The following ATG10 variants were observed in gnomAD, a reference collection of about 807,000 sequenced individuals.
The protein encoded by ATG10 is ubiquitin-like-conjugating enzyme ATG10.
In ATG10, 30 loss-of-function variants were observed where a neutral mutation model predicts 32.1. The observed-to-expected ratio is 0.94, with a 90% CI of 0.70 to 1.27. The LOEUF (loss-of-function observed/expected upper bound fraction) is 1.27, where lower values mean the gene tolerates loss of function less well. Among genes scored for constraint, ATG10 ranks in the 50% most tolerant of loss-of-function variants. ATG10 has a pLI of 0.00. For missense variants in ATG10, 233 were observed against 262.3 expected (o/e 0.89, Z 0.77); for synonymous variants, 87 against 91.5 (o/e 0.95, Z 0.28).
At chr5:82,134,203 AC>A (rs1375245723) in intron 3 of ATG10, among the ~76,000 whole-genome samples, 1 of 22,554 alleles carries the variant, frequency 4.4e-5, no homozygotes, top group Non-Finnish European at 9.2e-5. Flanking sequence ...CTATTTGAAT[AC>A]CCTTTATTTC....
At chr5:82,128,757 G>A (rs949516571) in intron 3 of ATG10, among the ~76,000 whole-genome samples, 9 of 147,138 alleles carry the variant, frequency 6.1e-5, no homozygotes, top group Non-Finnish European at 7.5e-5. Flanking sequence ...CCCTTTGTGG[G>A]TAACCCGACC....
At chr5:82,241,286 A>G (rs1413736675) in intron 5 of ATG10, among the ~76,000 whole-genome samples, 2 of 152,184 alleles carry the variant, frequency 1.3e-5, no homozygotes, top group Non-Finnish European at 2.9e-5. Context: ...ACAAGTCATC[A>G]TTATATTTTG....
chr5:82,019,957 G>A (rs1044544195), intron 2 of ATG10, among the ~76,000 whole-genome samples: 1 of 152,222 alleles, frequency 6.6e-6, no homozygotes, highest in African/African-American at 2.4e-5. Flanking sequence ...AGTTGTAGAA[G>A]GGGGATGGTG....
chr5:82,069,578 A>C (rs1308772544), intron 3 of ATG10, among the ~76,000 whole-genome samples: 1 of 152,136 alleles, frequency 6.6e-6, no homozygotes, highest in African/African-American at 2.4e-5. Context: ...TGTCCTTAGC[A>C]TTTAGCACAG....
At chr5:82,076,936 T>G (rs1358619924) in intron 3 of ATG10, among the ~76,000 whole-genome samples, 4 of 152,222 alleles carry the variant, frequency 2.6e-5, no homozygotes, top group Non-Finnish European at 4.4e-5. Context: ...ATCCATTGGT[T>G]TAGGCTTTTG....
intron 3 of ATG10, among the ~76,000 whole-genome samples, chr5:82,129,644 C>A (rs1404658239): frequency 6.6e-6 from 1 of 152,142 alleles, no homozygotes; most frequent in Non-Finnish European, 1.5e-5. Flanking sequence ...TCCACTCAAA[C>A]CCTGTTTGCC....
chr5:82,226,071 A>C (rs928948752), intron 5 of ATG10, among the ~76,000 whole-genome samples: 1 of 152,166 alleles, frequency 6.6e-6, no homozygotes, highest in African/African-American at 2.4e-5. Flanking sequence ...CTCTCCCCCA[A>C]ATTCACATTT....
intron 3 of ATG10, among the ~76,000 whole-genome samples, chr5:82,130,188 C>G (rs1484115192): frequency 2.6e-5 from 4 of 152,178 alleles, no homozygotes; most frequent in Admixed American, 2.6e-4. Flanking sequence ...GCAGATGCCC[C>G]TGTCCCCATG....
At chr5:81,989,207 C>G (rs1317749748) in intron 2 of ATG10, among the ~76,000 whole-genome samples, 1 of 152,192 alleles carries the variant, frequency 6.6e-6, no homozygotes, top group African/African-American at 2.4e-5. Context: ...ACATTTTACC[C>G]GGTTCCCGAA....
chr5:82,124,542 T>C (rs1229283863), intron 3 of ATG10, among the ~76,000 whole-genome samples: 2 of 151,716 alleles, frequency 1.3e-5, no homozygotes, highest in Non-Finnish European at 2.9e-5. Flanking sequence ...AGCGAGAACA[T>C]GTGGTGTTTG....
intron 3 of ATG10, among the ~76,000 whole-genome samples, chr5:82,106,691 G>A (rs1561301425): frequency 6.6e-6 from 1 of 151,886 alleles, no homozygotes; most frequent in Non-Finnish European, 1.5e-5. Flanking sequence ...CTTAACAATG[G>A]ACTATCATAA....
At chr5:82,071,379 A>C (rs980492003) in intron 3 of ATG10, among the ~76,000 whole-genome samples, 1 of 152,140 alleles carries the variant, frequency 6.6e-6, no homozygotes, top group Admixed American at 6.6e-5. Flanking sequence ...GATGGATTCC[A>C]TGTCTCCCTC....
Position 82,118,689 on chromosome 5 carries a change from C to A in ATG10, c.217-45710C>A, listed in dbSNP as rs139085496. 3.2e-3 allele frequency among the ~76,000 whole-genome samples: 484 copies of A among 151,970 alleles called. 7 individuals are homozygous for A. Among genetic ancestry groups the A allele is most frequent in the Admixed American group, 0.021 (327 of 15,238 alleles). On this transcript the variant is annotated intron_variant, in intron 3 of 7. Transcript: ENST00000282185. ...TCTATCTAAACTTCAAAACAGTGATCTTGTTTGGAGATTCAGATTTAGGAT... is the reference window on the plus strand; with the variant it reads ...TCTATCTAAACTTCAAAACAGTGATATTGTTTGGAGATTCAGATTTAGGAT...
chr5:82,139,531 G>C (rs1217313253), intron 3 of ATG10, among the ~76,000 whole-genome samples: 2 of 141,124 alleles, frequency 1.4e-5, no homozygotes, highest in South Asian at 2.3e-4. Flanking sequence ...CTGCCCGGCC[G>C]AGACCCCGTC....
chr5:82,140,131 C>G (rs1581733442), intron 3 of ATG10, among the ~76,000 whole-genome samples: 1 of 121,532 alleles, frequency 8.2e-6, no homozygotes, highest in Non-Finnish European at 1.8e-5. Flanking sequence ...TCTGCCCGGC[C>G]GCCCCTTCTG....
At chr5:82,155,211 C>T (rs922308163) in intron 3 of ATG10, among the ~76,000 whole-genome samples, 3 of 152,094 alleles carry the variant, frequency 2.0e-5, no homozygotes, top group African/African-American at 7.2e-5. Flanking sequence ...AAACTTCAGC[C>T]CATTGGATTT....
At chr5:82,231,063 A>G (rs984772114) in intron 5 of ATG10, among the ~76,000 whole-genome samples, 3 of 152,198 alleles carry the variant, frequency 2.0e-5, no homozygotes, top group African/African-American at 4.8e-5. Context: ...TGGCCTGAAG[A>G]GCCACTGGGG....
At chr5:82,159,253 G>C (rs560613190) in intron 3 of ATG10, among the ~76,000 whole-genome samples, 1 of 152,224 alleles carries the variant, frequency 6.6e-6, no homozygotes, top group Admixed American at 6.5e-5. Context: ...GGGATGGCAG[G>C]AGATTTCATC....
At chr5:82,078,403 AT>A in intron 3 of ATG10, 1 of 152,238 alleles carries the variant, frequency 6.6e-6, no homozygotes, top group Non-Finnish European at 1.5e-5. Context: ...AAGCTTCAGC[AT>A]TTTGGCTCTG....
Sources: allele counts gnomAD v4.1 joint callset (sites outside exome capture counted in the v4.1 genomes callset), GRCh38; gene constraint gnomAD v4.1.1; transcripts MANE v1.5; gene names NCBI Gene and HGNC (gene_info 2026-07-23, HGNC 2026-07-21).